ARHGEF28: variants seen among roughly 807,000 people sequenced by gnomAD.
ARHGEF28 encodes Rho guanine nucleotide exchange factor 28, also known as 190 kDa guanine nucleotide exchange factor.
ARHGEF28 carries 152 observed loss-of-function variants against 206.6 expected under a neutral mutation model. That is an observed-to-expected ratio of 0.74 (90% CI 0.64 to 0.84). The LOEUF is 0.84. ARHGEF28 is among the 40% of genes least tolerant of loss of function. The pLI, the probability that ARHGEF28 is intolerant of heterozygous loss-of-function variation, is 0.00. For synonymous variants in ARHGEF28, 763 were observed against 776.4 expected (o/e 0.98, Z 0.29); for missense variants, 2,028 against 2,073.2 (o/e 0.98, Z 0.42).
At chr5:73,859,775 C>G (rs1299196938) in intron 16 of ARHGEF28, among the ~76,000 whole-genome samples, 1 of 152,048 alleles carries the variant, frequency 6.6e-6, no homozygotes, top group Non-Finnish European at 1.5e-5. Flanking sequence ...GTTGTTCCAC[C>G]CTTGTGGGTG....
intron 2 of ARHGEF28, among the ~76,000 whole-genome samples, chr5:73,713,640 G>A (rs1178050570): frequency 6.6e-6 from 1 of 152,136 alleles, no homozygotes; most frequent in Non-Finnish European, 1.5e-5. Flanking sequence ...ACAGAAACAT[G>A]TTTTTTTGGT....
intron 10 of ARHGEF28, among the ~76,000 whole-genome samples, chr5:73,840,156 AC>A: frequency 6.6e-6 from 1 of 152,300 alleles, no homozygotes; most frequent in Admixed American, 6.5e-5. Flanking sequence ...TCACTCTGTA[AC>A]CCAGGCTAGA....
At position 73,740,738 on chromosome 5, in the gene ARHGEF28, C is replaced by G. The variant is rs563500140; in HGVS notation, c.34-9099C>G. 2.6e-5 allele frequency among the ~76,000 whole-genome samples: 4 copies of G among 152,276 alleles called. No homozygotes were observed. In the East Asian group the frequency reaches 5.8e-4, roughly 22 times the overall value. On this transcript the variant is annotated intron_variant, in intron 2 of 35. Transcript: ENST00000513042. ...TGTCCTTTTCCTCTGAACGTGTTGT[C>G]AGCTTTGTCTATATTTGTATTAAAG...
chr5:73,885,680 A>G lies in ARHGEF28; in HGVS notation c.3056-170A>G, dbSNP rs557918978. ...TTTTTGGTAGAAACAGGGTTTTGCCATGTTGCCCAGGCTAGGAATTTAAGT... is the reference window on the plus strand; with the variant it reads ...TTTTTGGTAGAAACAGGGTTTTGCCGTGTTGCCCAGGCTAGGAATTTAAGT... On this transcript the variant is annotated intron_variant, in intron 24 of 35. Transcript: ENST00000513042. Among the ~76,000 whole-genome samples, 4 of 152,146 alleles carry G rather than the reference A, an allele frequency of 2.6e-5. No individual in the cohort carries two copies. In the East Asian group the frequency reaches 5.8e-4, roughly 22 times the overall value.
chr5:73,761,793 C>T (rs145037987), intron 4 of ARHGEF28, among the ~76,000 whole-genome samples: 8 of 152,198 alleles, frequency 5.3e-5, no homozygotes, highest in African/African-American at 1.7e-4. Flanking sequence ...GCATGAGTGA[C>T]GGATGTGAGC....
Position 73,941,066 on chromosome 5 carries a change from CT to C in ARHGEF28, c.*58del. 4 of 1,409,420 alleles carry C rather than the reference CT, an allele frequency of 2.8e-6. No homozygotes were observed. The highest frequency in any genetic ancestry group is 3.7e-6 in the Non-Finnish European group (4 of 1,083,586). The allele number at this position is 1,409,420 out of a possible 1,614,324, so 87.3% of individuals were successfully genotyped here. Reference sequence around the variant, plus strand: ...AAAACACTGGCACTTTTGGGAGAAACTTTTTGTCTCCATTCCTTATGTATGT... The same window carrying C: ...AAAACACTGGCACTTTTGGGAGAAACTTTTGTCTCCATTCCTTATGTATGT... On this transcript the variant is annotated 3_prime_UTR_variant, in exon 36 of 36. Transcript: ENST00000513042.
At chr5:73,930,779 A>G (rs1344800712) in intron 35 of ARHGEF28, among the ~76,000 whole-genome samples, 1 of 152,068 alleles carries the variant, frequency 6.6e-6, no homozygotes, top group Admixed American at 6.5e-5. Context: ...TATCAGTGTT[A>G]TTTTACACAT....
At chr5:73,860,917 G>A (rs553978507) in intron 16 of ARHGEF28, among the ~76,000 whole-genome samples, 62 of 152,240 alleles carry the variant, frequency 4.1e-4, no homozygotes, top group African/African-American at 1.5e-3. Flanking sequence ...CCCACTGCGT[G>A]TGATTTCCTG....
chr5:73,856,404 A>G (rs377487536), intron 14 of ARHGEF28, among the ~76,000 whole-genome samples: 1 of 152,172 alleles, frequency 6.6e-6, no homozygotes, highest in African/African-American at 2.4e-5. Context: ...GCTTTAAGTA[A>G]CAGGACATAA....
intron 9 of ARHGEF28, among the ~76,000 whole-genome samples, chr5:73,804,082 CAAAAA>C (rs35722039): frequency 1.6e-5 from 1 of 64,314 alleles, no homozygotes; most frequent in African/African-American, 6.9e-5. Flanking sequence ...GAGACCCTGT[CAAAAA>C]AAAAAAAAAA....
chr5:73,710,338 C>T (rs1163394543), intron 2 of ARHGEF28, among the ~76,000 whole-genome samples: 1 of 152,146 alleles, frequency 6.6e-6, no homozygotes, highest in Non-Finnish European at 1.5e-5. Flanking sequence ...TGCTTACTTG[C>T]TATTTATAGC....
At chr5:73,709,393 C>T (rs910138928) in intron 2 of ARHGEF28, among the ~76,000 whole-genome samples, 8 of 152,238 alleles carry the variant, frequency 5.3e-5, no homozygotes, top group African/African-American at 1.7e-4. Context: ...TCTGTTTTTC[C>T]TTCCTATAGT....
chr5:73,659,983 C>A (rs1018423760), intron 1 of ARHGEF28, among the ~76,000 whole-genome samples: 2 of 151,838 alleles, frequency 1.3e-5, no homozygotes, highest in East Asian at 3.9e-4. Flanking sequence ...GTTGGGGTGG[C>A]TCTTTAAAAT....
intron 1 of ARHGEF28, among the ~76,000 whole-genome samples, chr5:73,642,003 G>C (rs577547893): frequency 2.8e-4 from 43 of 152,212 alleles, no homozygotes; most frequent in Non-Finnish European, 5.4e-4. Context: ...AACCTGCTGC[G>C]GGGTTTGTAG....
intron 1 of ARHGEF28, among the ~76,000 whole-genome samples, chr5:73,661,443 A>C (rs936547686): frequency 4.6e-5 from 7 of 152,024 alleles, no homozygotes; most frequent in African/African-American, 1.7e-4. Context: ...GTTCCTGGAG[A>C]AGTACTTTTA....
intron 2 of ARHGEF28, among the ~76,000 whole-genome samples, chr5:73,726,825 T>C (rs1470563231): frequency 1.3e-5 from 2 of 152,232 alleles, no homozygotes; most frequent in Non-Finnish European, 2.9e-5. Context: ...AACTGTAGTT[T>C]CCCTTCAGTG....
chr5:73,770,989 A>G (rs1406457609), intron 4 of ARHGEF28, among the ~76,000 whole-genome samples: 1 of 152,198 alleles, frequency 6.6e-6, no homozygotes, highest in Admixed American at 6.5e-5. Context: ...AGATCTGCCC[A>G]CACTCACACT....
chr5:73,909,518 A>G lies in ARHGEF28; in HGVS notation c.4268A>G (p.Gln1423Arg), dbSNP rs1762750482. The G allele has an allele frequency of 6.2e-7, 1 of 1,605,510 alleles. No individual in the cohort carries two copies. Among genetic ancestry groups the G allele is most frequent in the South Asian group, 1.1e-5 (1 of 89,762 alleles). Residue 1423 changes from glutamine (Q) to arginine (R), a missense_variant, in exon 34 of 36, where the codon CAG becomes CGG. Coordinates refer to ENST00000513042, the MANE Select transcript of ARHGEF28 (RefSeq NM_001177693.2). Reference sequence around the variant, plus strand: ...TCTATCCTCCGAGGCGGCCCCTTGCAGGACCAGAAGTCTCGCGACGCGGAC... The same window carrying G: ...TCTATCCTCCGAGGCGGCCCCTTGCGGGACCAGAAGTCTCGCGACGCGGAC... Reference protein sequence around the residue: ...GHSILRGGPLQDQKSRDADRQ... With the variant: ...GHSILRGGPLRDQKSRDADRQ...
At chr5:73,795,493 G>C (rs1036998934) in intron 9 of ARHGEF28, 102 bp downstream of exon 9, 1 of 1,035,948 alleles carries the variant, frequency 9.7e-7, no homozygotes, top group African/African-American at 1.6e-5. Flanking sequence ...TTCCTTCCTG[G>C]TAACCTTATC....
Sources: gnomAD v4.1 joint callset for allele counts (sites outside exome capture counted in the v4.1 genomes callset) on GRCh38, gnomAD v4.1.1 for gene constraint, MANE v1.5 for transcripts, NCBI Gene and HGNC (gene_info 2026-07-23, HGNC 2026-07-21) for gene names.